SPATA13: variants seen among roughly 807,000 people sequenced by gnomAD.
The protein encoded by SPATA13 is spermatogenesis associated 13.
Under a neutral mutation model 104.0 loss-of-function variants are expected in SPATA13, and 50 were observed. The ratio of observed to expected loss-of-function variants is 0.48; its 90% CI spans 0.38 to 0.61. The LOEUF (loss-of-function observed/expected upper bound fraction) is 0.61, where lower values mean the gene tolerates loss of function less well. SPATA13 is among the 20% of genes least tolerant of loss of function. The pLI is 0.00. For synonymous variants in SPATA13, 606 were observed against 667.5 expected, an observed-to-expected ratio of 0.91 and a Z score of 1.42; for missense variants, 1,524 against 1,690.6, an observed-to-expected ratio of 0.90 and a Z score of 1.73.
upstream of SPATA13, among the ~76,000 whole-genome samples, chr13:24,158,071 C>T (rs1052016022): frequency 6.6e-6 from 1 of 152,142 alleles, no homozygotes; most frequent in African/African-American, 2.4e-5. Context: ...ACAAAAAAAG[C>T]GCGTTAGACT....
At chr13:24,038,074 G>A (rs1161189722) in intron 3 of SPATA13, among the ~76,000 whole-genome samples, 1 of 151,918 alleles carries the variant, frequency 6.6e-6, no homozygotes, top group Non-Finnish European at 1.5e-5. Context: ...ACCATGCCCA[G>A]CTAATTTTTT....
chr13:24,019,678 G>C (rs890623795), intron 3 of SPATA13, among the ~76,000 whole-genome samples: 15 of 151,884 alleles, frequency 9.9e-5, no homozygotes, highest in Non-Finnish European at 1.5e-4. Flanking sequence ...CTTCTCTGAG[G>C]TCAGATTTTA....
At chr13:24,201,368 T>C in intron 1 of SPATA13, among the ~76,000 whole-genome samples, 1 of 152,306 alleles carries the variant, frequency 6.6e-6, no homozygotes, top group South Asian at 2.1e-4. Flanking sequence ...TCATTTTGCA[T>C]TAGTGAGATA....
chr13:24,201,588 G>C (rs111618453), intron 1 of SPATA13, among the ~76,000 whole-genome samples: 3 of 151,870 alleles, frequency 2.0e-5, no homozygotes, highest in East Asian at 1.9e-4. Context: ...TTACAGGTGC[G>C]TGCCACCACA....
chr13:24,052,849 G>GCCC (rs1593300615), intron 3 of SPATA13, among the ~76,000 whole-genome samples: 1 of 42,998 alleles, frequency 2.3e-5, no homozygotes, highest in Non-Finnish European at 4.6e-5. Context: ...CCGCCACTGT[G>GCCC]CCCTGCCCAC....
chr13:23,996,654 CT>C (rs35932847), intron 2 of SPATA13, among the ~76,000 whole-genome samples: 38,038 of 152,048 alleles, frequency 0.25, 5,274 homozygotes, highest in Non-Finnish European at 0.31. Flanking sequence ...AAAAGAGTAG[CT>C]TACAGGAGGA....
At chr13:24,246,855 C>T (rs1484981385) in intron 2 of SPATA13, among the ~76,000 whole-genome samples, 1 of 151,654 alleles carries the variant, frequency 6.6e-6, no homozygotes, top group Non-Finnish European at 1.5e-5. Flanking sequence ...GAGTACGACT[C>T]CATCTCAAAA....
intron 3 of SPATA13, among the ~76,000 whole-genome samples, chr13:24,141,982 C>G (rs1385968979): frequency 6.6e-6 from 1 of 152,104 alleles, no homozygotes; most frequent in Non-Finnish European, 1.5e-5. Flanking sequence ...TCAGATGAAC[C>G]TTGAAGTAGA....
chr13:24,259,095 C>G (rs1873932550), intron 4 of SPATA13, among the ~76,000 whole-genome samples: 1 of 152,228 alleles, frequency 6.6e-6, no homozygotes, highest in Non-Finnish European at 1.5e-5. Context: ...GAGCTGGGTG[C>G]TGGGCCTCCC....
At chr13:24,301,528 G>GC (rs1284610422) in intron 12 of SPATA13, among the ~76,000 whole-genome samples, 1 of 152,200 alleles carries the variant, frequency 6.6e-6, no homozygotes, top group Non-Finnish European at 1.5e-5. Context: ...CATATCTTCT[G>GC]CGAGTCACTC....
chr13:24,115,922 C>T lies in SPATA13; in HGVS notation c.-112+98221C>T, dbSNP rs1399376461. On this transcript the variant is annotated intron_variant, in intron 3 of 14. Coordinates refer to the SPATA13 transcript ENST00000424834. ...GAGCACAGTTTTCCTGTCCTTACAA[C>T]CTGGTAGCTGGCTTCTCCAGAGCAG... Among the ~76,000 whole-genome samples the T allele has an allele frequency of 3.9e-5, 6 of 152,214 alleles. No homozygotes were observed. In the East Asian group the frequency reaches 5.8e-4, roughly 15 times the overall value.
rs753633022 is a variant in SPATA13, at chr13:24,286,246, A to G, written c.2334A>G (p.Glu778=). ...LISDGNVVCA[E]ALWDHVTMDD... Reference sequence around the variant, plus strand: ...GTGATGGCAACGTGGTCTGCGCAGAAGCCCTGTGGGACCATGTGACCATGG... The same window carrying G: ...GTGATGGCAACGTGGTCTGCGCAGAGGCCCTGTGGGACCATGTGACCATGG... The change falls in exon 6 of 13, where the codon GAA becomes GAG. Residue 778 remains glutamate (E), a synonymous_variant. Coordinates refer to ENST00000382108, the MANE Select transcript of SPATA13 (RefSeq NM_001166271.3). This position sits in a 1 kb window ranked among gnomAD's most constrained non-coding sequence, Gnocchi z 4.9. The G allele has an allele frequency of 1.9e-6, 3 of 1,613,934 alleles. No individual in the cohort carries two copies. The South Asian group carries it at 3.3e-5, about 18-fold the overall frequency.
At chr13:24,021,913 G>A (rs1018271890) in intron 3 of SPATA13, among the ~76,000 whole-genome samples, 9 of 151,866 alleles carry the variant, frequency 5.9e-5, no homozygotes, top group African/African-American at 1.4e-4. Context: ...GGGTTTCACC[G>A]TATTAGGCAG....
At chr13:23,995,990 A>G (rs1010995681) in intron 2 of SPATA13, among the ~76,000 whole-genome samples, 9 of 152,342 alleles carry the variant, frequency 5.9e-5, no homozygotes, top group Non-Finnish European at 8.8e-5. Flanking sequence ...GCAGATAGAT[A>G]TGGGACCTGT....
intron 1 of SPATA13, among the ~76,000 whole-genome samples, chr13:24,209,739 C>A (rs1046894385): frequency 6.6e-6 from 1 of 151,800 alleles, no homozygotes; most frequent in Non-Finnish European, 1.5e-5. Flanking sequence ...GGGGTGTAGA[C>A]GTCTTTTTGA....
chr13:24,150,506 G>C (rs1323666648), intron 3 of SPATA13, among the ~76,000 whole-genome samples: 1 of 152,144 alleles, frequency 6.6e-6, no homozygotes, highest in Non-Finnish European at 1.5e-5. Context: ...GTGTTCTCCA[G>C]AGAAATAAAA....
At chr13:24,046,344 G>C (rs1010702109) in intron 3 of SPATA13, among the ~76,000 whole-genome samples, 1 of 150,724 alleles carries the variant, frequency 6.6e-6, no homozygotes, top group Non-Finnish European at 1.5e-5. Context: ...CCAGGCTGGA[G>C]TGCAGTGGTG....
intron 1 of SPATA13, among the ~76,000 whole-genome samples, chr13:24,186,155 A>G (rs1021829749): frequency 6.6e-6 from 1 of 152,204 alleles, no homozygotes; most frequent in African/African-American, 2.4e-5. Flanking sequence ...ACGCTGACAC[A>G]TAAGATGAAC....
chr13:24,172,994 T>G (rs1883043584), intron 1 of SPATA13, among the ~76,000 whole-genome samples: 1 of 152,232 alleles, frequency 6.6e-6, no homozygotes, highest in Admixed American at 6.5e-5. Context: ...ATTGTACGGC[T>G]TTCAGCACAC....
Sources: allele counts gnomAD v4.1 joint callset (sites outside exome capture counted in the v4.1 genomes callset), GRCh38; gene constraint gnomAD v4.1.1; non-coding constraint Gnocchi (gnomAD v3.1); transcripts MANE v1.5; gene names NCBI Gene and HGNC (gene_info 2026-07-23, HGNC 2026-07-21).